Variants in IPPK observed in about 807,000 individuals in gnomAD.
The protein encoded by IPPK is IPK1 homolog.
A neutral mutation model predicts 64.6 loss-of-function variants in IPPK; 22 were observed. The observed-to-expected ratio is 0.34, with a 90% CI of 0.24 to 0.49. The LOEUF (loss-of-function observed/expected upper bound fraction) is 0.49. Ranked by LOEUF, IPPK falls within the 20% of genes least tolerant of loss-of-function variation. The probability of loss-of-function intolerance (pLI) is 0.99; values close to 1 mark genes in which losing one functional copy is unlikely to be tolerated. For missense variants in IPPK, 532 were observed against 630.7 expected, an observed-to-expected ratio of 0.84 and a Z score of 1.68; for synonymous variants, 262 against 247.2, an observed-to-expected ratio of 1.06 and a Z score of -0.56.
intron 6 of IPPK, among the ~76,000 whole-genome samples, chr9:92,647,386 TGAAAA>T (rs1852168889): frequency 6.6e-6 from 1 of 150,760 alleles, no homozygotes; most frequent in South Asian, 2.1e-4. Context: ...AACTGGAGAG[TGAAAA>T]GAAAATAATT....
intron 11 of IPPK, among the ~76,000 whole-genome samples, chr9:92,623,259 C>A (rs1851674912): frequency 6.6e-6 from 1 of 151,900 alleles, no homozygotes; most frequent in South Asian, 2.1e-4. Flanking sequence ...ATGGTGAAAC[C>A]CCGTCTCTAC....
At position 92,613,188 on chromosome 9, in the gene IPPK, G is replaced by A. The variant is rs1383174883; in HGVS notation, c.*2644C>T. The A allele has an allele frequency of 2.5e-6, 4 of 1,612,326 alleles. No individual in the cohort carries two copies. The Admixed American group carries it at 6.7e-5, about 27-fold the overall frequency. On this transcript the variant is annotated 3_prime_UTR_variant, in exon 13 of 13. Transcript: ENST00000287996. ...AACGTGGAGGATGAAGATGCTGCGT[G>A]GAGGAACATGCAATTTTATTCAATA...
chr9:92,619,110 C>A (rs999208164), intron 12 of IPPK: 7 of 236,746 alleles, frequency 3.0e-5, no homozygotes, highest in Non-Finnish European at 3.4e-5. Flanking sequence ...CATGCTGCCA[C>A]TGTGGGAGAC....
chr9:92,661,813 C>A (rs941371221), intron 1 of IPPK, among the ~76,000 whole-genome samples: 3 of 152,248 alleles, frequency 2.0e-5, no homozygotes, highest in African/African-American at 7.2e-5. Flanking sequence ...TCTCTACAGC[C>A]CATGCCAACT....
intron 11 of IPPK, among the ~76,000 whole-genome samples, chr9:92,627,641 A>G (rs1286079877): frequency 6.6e-6 from 1 of 152,260 alleles, no homozygotes; most frequent in Non-Finnish European, 1.5e-5. Flanking sequence ...GGCATCTAAC[A>G]GAATCCAACA....
chr9:92,635,401 G>T lies in IPPK; in HGVS notation c.917-93C>A. On this transcript the variant is annotated intron_variant, in intron 9 of 12. Coordinates refer to ENST00000287996, the MANE Select transcript of IPPK (RefSeq NM_022755.6). This position sits in a 1 kb window ranked among gnomAD's most constrained non-coding sequence, Gnocchi z 4.4. ...CGGCGCAGACCGCAGGGCTCATCCT[G>T]GGCTCCGCCATACGGGCATCACCAC... The T allele has an allele frequency of 7.3e-7, 1 of 1,368,924 alleles. No individual in the cohort carries two copies. The highest frequency in any genetic ancestry group is 2.4e-5 in the East Asian group (1 of 41,878). 84.8% of individuals were successfully genotyped at this position (1,368,924 alleles called of 1,614,324 possible).
chr9:92,659,054 A>G (rs1852429105), intron 1 of IPPK, among the ~76,000 whole-genome samples: 1 of 152,254 alleles, frequency 6.6e-6, no homozygotes, highest in African/African-American at 2.4e-5. Context: ...GTACTTACGG[A>G]CACAGATTTG....
rs1467548907 is a variant in IPPK at position 92,638,073 on chromosome 9, T to C, written c.844A>G (p.Ser282Gly). Reference protein sequence around the residue: ...GSDKGRAGTLSPGLGPQGPRV... With the variant: ...GSDKGRAGTLGPGLGPQGPRV... ...GGGCCCTGAGGCCCGAGCCCCGGAC[T>C]CAGGGTGCCTGCCCGGCCCTTGTCC... is the stretch of plus-strand genomic sequence containing the variant. The change falls in exon 9 of 13, where the codon AGT becomes GGT. Residue 282 changes from serine (S) to glycine (G), a missense_variant. Ser to Gly is a moderately conservative substitution (Grantham distance 56). Coordinates refer to ENST00000287996, the MANE Select transcript of IPPK (RefSeq NM_022755.6). The C allele has an allele frequency of 1.9e-6, 3 of 1,611,866 alleles. No individual in the cohort carries two copies. The highest frequency in any genetic ancestry group is 1.7e-6 in the Non-Finnish European group (2 of 1,179,254).
intron 1 of IPPK, among the ~76,000 whole-genome samples, chr9:92,665,620 A>G (rs1439619943): frequency 2.0e-5 from 3 of 152,220 alleles, no homozygotes; most frequent in Admixed American, 1.3e-4. Context: ...TCGTGATACT[A>G]TCAGTTACAG....
At chr9:92,618,000 G>T (rs147815643) in intron 12 of IPPK, 196 of 343,832 alleles carry the variant, frequency 5.7e-4, no homozygotes, top group African/African-American at 3.9e-3. Flanking sequence ...TCTAAATTTA[G>T]TCTCAGGTCT....
rs568154829 is a variant in IPPK at position 92,642,676 on chromosome 9, C to A, written c.563+76G>T. On this transcript the variant is annotated intron_variant, in intron 7 of 12. Coordinates refer to ENST00000287996, the MANE Select transcript of IPPK (RefSeq NM_022755.6). ...CCTTCCTACCTCACGAAATACCCCC[C>A]ACCAGGCACTGGCCCCCGCCCTACC... is the stretch of plus-strand genomic sequence containing the variant. 4.8e-5 allele frequency: 61 copies of A among 1,276,464 alleles called. No individual in the cohort carries two copies. In the African/African-American group the frequency reaches 8.5e-4, roughly 18 times the overall value. The allele number at this position is 1,276,464 out of a possible 1,614,324, so 79.1% of individuals were successfully genotyped here. A position where few individuals can be genotyped will look rare whatever the true frequency, so the allele number is the denominator to read the frequency against.
chr9:92,638,753 T>C (rs763920243), intron 8 of IPPK, among the ~76,000 whole-genome samples: 34 of 152,358 alleles, frequency 2.2e-4, no homozygotes, highest in Non-Finnish European at 4.0e-4. Flanking sequence ...GTGACCCCAG[T>C]GCTGGGTGGT....
intron 12 of IPPK, chr9:92,618,386 T>C (rs952269766): frequency 4.4e-6 from 2 of 456,680 alleles, no homozygotes; most frequent in Non-Finnish European, 8.8e-6. Context: ...GCTTTCCAAT[T>C]TGACATCACT....
intron 11 of IPPK, among the ~76,000 whole-genome samples, chr9:92,622,591 A>AGTCC (rs1491501357): frequency 6.7e-6 from 1 of 150,128 alleles, no homozygotes; most frequent in East Asian, 2.1e-4. Context: ...GAACCATAAA[A>AGTCC]CATTTTTATC....
At chr9:92,624,083 TC>T in intron 11 of IPPK, among the ~76,000 whole-genome samples, 1 of 152,274 alleles carries the variant, frequency 6.6e-6, no homozygotes, top group South Asian at 2.1e-4. Context: ...ACGCCTGTAA[TC>T]CCAACACTTT....
chr9:92,630,898 TAAGTAA>T (rs1851827628), intron 11 of IPPK, among the ~76,000 whole-genome samples: 1 of 152,030 alleles, frequency 6.6e-6, no homozygotes, highest in African/African-American at 2.4e-5. Flanking sequence ...AAAAAACTAA[TAAGTAA>T]AAGTACACAG....
chr9:92,638,557 T>C (rs1222350597), intron 8 of IPPK, among the ~76,000 whole-genome samples: 5 of 152,166 alleles, frequency 3.3e-5, no homozygotes, highest in African/African-American at 4.8e-5. Context: ...CCCCAGACAA[T>C]GATCCACAGT....
chr9:92,658,081 G>A (rs764164134), intron 2 of IPPK, among the ~76,000 whole-genome samples: 6 of 152,146 alleles, frequency 3.9e-5, no homozygotes, highest in Non-Finnish European at 5.9e-5. Context: ...TCCGCGACTC[G>A]GTATGCACCC....
intron 11 of IPPK, among the ~76,000 whole-genome samples, chr9:92,632,374 T>G (rs762852409): frequency 1.1e-4 from 16 of 152,348 alleles, no homozygotes; most frequent in East Asian, 3.9e-4. Context: ...CCATTTGGTG[T>G]TGTTTCAGTG....
Sources: gnomAD v4.1 joint callset for allele counts (sites outside exome capture counted in the v4.1 genomes callset) on GRCh38, gnomAD v4.1.1 for gene constraint, Gnocchi (gnomAD v3.1) non-coding constraint, MANE v1.5 for transcripts, NCBI Gene and HGNC (gene_info 2026-07-23, HGNC 2026-07-21) for gene names.